Variants in CTNNA3 observed in about 807,000 individuals in gnomAD.
The protein encoded by CTNNA3 is catenin alpha 3.
Under a neutral mutation model 95.7 loss-of-function variants are expected in CTNNA3, and 76 were observed. The ratio of observed to expected loss-of-function variants is 0.79; its 90% CI spans 0.66 to 0.96. The LOEUF is 0.96. Ranked by LOEUF, CTNNA3 falls within the 40% of genes least tolerant of loss-of-function variation. The pLI is 0.00. For synonymous variants in CTNNA3, 431 were observed against 374.4 expected (o/e 1.15, Z -1.74); for missense variants, 1,191 against 1,089.8 (o/e 1.09, Z -1.31).
chr10:66,575,163 G>A (rs1237236666), intron 10 of CTNNA3, among the ~76,000 whole-genome samples: 1 of 152,072 alleles, frequency 6.6e-6, no homozygotes, highest in Non-Finnish European at 1.5e-5. Context: ...CCGGAAGAGA[G>A]GCATGGGAGG....
At chr10:66,069,636 A>G (rs1489116818) in intron 14 of CTNNA3, 147 bp from the exon 15 acceptor site, 2 of 560,326 alleles carry the variant, frequency 3.6e-6, no homozygotes, top group Non-Finnish European at 6.1e-6. Context: ...AAAACTTTCC[A>G]GGCTTAATAT....
intron 9 of CTNNA3, among the ~76,000 whole-genome samples, chr10:66,680,275 C>T (rs1847022543): frequency 6.6e-6 from 1 of 152,080 alleles, no homozygotes; most frequent in African/African-American, 2.4e-5. Context: ...CGTGATCCTC[C>T]TGCCTCAGCC....
At chr10:66,928,240 T>C in intron 7 of CTNNA3, 1 of 1,614,132 alleles carries the variant, frequency 6.2e-7, no homozygotes, top group Non-Finnish European at 8.5e-7. Flanking sequence ...CTACGTGTCA[T>C]GGAAGCGGTA....
At chr10:66,168,663 C>G (rs1051364257) in intron 13 of CTNNA3, among the ~76,000 whole-genome samples, 1 of 152,160 alleles carries the variant, frequency 6.6e-6, no homozygotes, top group Non-Finnish European at 1.5e-5. Context: ...CAACAGCTAT[C>G]CAATTACTGG....
At chr10:66,231,656 A>T (rs1406924774) in intron 13 of CTNNA3, among the ~76,000 whole-genome samples, 1 of 152,224 alleles carries the variant, frequency 6.6e-6, no homozygotes, top group East Asian at 1.9e-4. Flanking sequence ...ACAAAATAAA[A>T]TATCTGGGAA....
chr10:66,435,799 T>G (rs7912534), intron 11 of CTNNA3, among the ~76,000 whole-genome samples: 40,262 of 152,156 alleles, frequency 0.26, 5,492 homozygotes, highest in South Asian at 0.39. Flanking sequence ...CTTTCCTGCT[T>G]TCTCCTGTGG....
intron 5 of CTNNA3, among the ~76,000 whole-genome samples, chr10:67,385,694 C>T (rs1844130234): frequency 6.6e-6 from 1 of 152,142 alleles, no homozygotes; most frequent in African/African-American, 2.4e-5. Flanking sequence ...ACCAAGGCTG[C>T]ATGTGAAACT....
At chr10:66,425,525 C>T (rs575279848) in intron 11 of CTNNA3, among the ~76,000 whole-genome samples, 1 of 151,980 alleles carries the variant, frequency 6.6e-6, no homozygotes, top group Non-Finnish European at 1.5e-5. Flanking sequence ...TTAGTATGTC[C>T]TGCCTACCAA....
upstream of CTNNA3, among the ~76,000 whole-genome samples, chr10:67,701,081 G>C (rs1369150686): frequency 6.6e-6 from 1 of 152,070 alleles, no homozygotes; most frequent in Non-Finnish European, 1.5e-5. Flanking sequence ...AGAGAAGAAA[G>C]CATAAAAAGA....
In CTNNA3 at chr10:67,387,440, G is replaced by A. The variant is rs181153357; in HGVS notation, c.579+134402C>T. ...ACGGAGTCTCGCTGATTGCTAGCAC[G>A]GCAGTCTGAGATCAAACTGCAAGGC... On this transcript the variant is annotated intron_variant, in intron 5 of 17. Transcript: ENST00000433211. Among the ~76,000 whole-genome samples the A allele has an allele frequency of 1.3e-3, 193 of 152,146 alleles. 1 individual carries two copies. Among genetic ancestry groups the A allele is most frequent in the African/African-American group, 4.2e-3 (176 of 41,500 alleles).
intron 12 of CTNNA3, among the ~76,000 whole-genome samples, chr10:66,368,857 G>C (rs1197428947): frequency 6.6e-6 from 1 of 152,004 alleles, no homozygotes. Flanking sequence ...ATGTGGTAAG[G>C]GAATTTGTAT....
intron 5 of CTNNA3, among the ~76,000 whole-genome samples, chr10:67,236,404 C>T (rs1431827676): frequency 2.0e-5 from 3 of 150,228 alleles, no homozygotes; most frequent in Non-Finnish European, 2.9e-5. Context: ...AGCAAACTAT[C>T]GCAAGAAGAA....
At chr10:67,419,038 T>A (rs12249874) in intron 5 of CTNNA3, among the ~76,000 whole-genome samples, 27,918 of 152,080 alleles carry the variant, frequency 0.18, 3,737 homozygotes, top group African/African-American at 0.36. Flanking sequence ...ATTTATATTT[T>A]TCAGGATTCT....
chr10:66,290,063 G>C (rs577939211), intron 12 of CTNNA3, among the ~76,000 whole-genome samples: 1 of 152,032 alleles, frequency 6.6e-6, no homozygotes, highest in African/African-American at 2.4e-5. Flanking sequence ...GTAGATGACT[G>C]GATGGCTAGG....
At chr10:67,088,206 T>A (rs1857419427) in intron 7 of CTNNA3, among the ~76,000 whole-genome samples, 1 of 151,290 alleles carries the variant, frequency 6.6e-6, no homozygotes, top group African/African-American at 2.4e-5. Flanking sequence ...TGTATTGGAA[T>A]GGCTTATGTT....
chr10:67,646,748 T>A (rs1210555177), intron 2 of CTNNA3, among the ~76,000 whole-genome samples: 1 of 152,076 alleles, frequency 6.6e-6, no homozygotes, highest in Non-Finnish European at 1.5e-5. Flanking sequence ...AAAGGGGAGT[T>A]CCCTCACAAA....
At chr10:66,029,014 A>C (rs2079400294) in intron 15 of CTNNA3, among the ~76,000 whole-genome samples, 1 of 152,168 alleles carries the variant, frequency 6.6e-6, no homozygotes, top group Admixed American at 6.5e-5. Context: ...TGAGAAAAAA[A>C]GCTAAGAGAC....
chr10:66,864,681 A>G (rs1402911482), intron 7 of CTNNA3, among the ~76,000 whole-genome samples: 1 of 150,950 alleles, frequency 6.6e-6, no homozygotes, highest in Non-Finnish European at 1.5e-5. Flanking sequence ...CATTATCTAT[A>G]AAAAAAAAGT....
chr10:66,840,528 CTT>C (rs1395280784), intron 7 of CTNNA3, among the ~76,000 whole-genome samples: 1 of 152,044 alleles, frequency 6.6e-6, no homozygotes, highest in East Asian at 1.9e-4. Context: ...GTACCTGAAA[CTT>C]TGTAAAATCA....
Sources: allele counts gnomAD v4.1 joint callset (sites outside exome capture counted in the v4.1 genomes callset), GRCh38; gene constraint gnomAD v4.1.1; transcripts MANE v1.5; gene names NCBI Gene and HGNC (gene_info 2026-07-23, HGNC 2026-07-21).